The following REPS2 variants were observed in gnomAD, a reference collection of about 807,000 sequenced individuals.
The protein encoded by REPS2 is ralBP1-associated Eps domain-containing protein 2.
Under a neutral mutation model 53.6 loss-of-function variants are expected in REPS2, and 23 were observed. The ratio of observed to expected loss-of-function variants is 0.43; its 90% CI spans 0.31 to 0.61. The LOEUF (loss-of-function observed/expected upper bound fraction) is 0.61, where lower values mean the gene tolerates loss of function less well. Ranked by LOEUF, REPS2 falls within the 20% of genes least tolerant of loss-of-function variation. The probability of loss-of-function intolerance (pLI) is 0.11; values close to 1 mark genes in which losing one functional copy is unlikely to be tolerated. For missense variants in REPS2, 446 were observed against 534.9 expected, an observed-to-expected ratio of 0.83 and a Z score of 1.64; for synonymous variants, 238 against 218.6, an observed-to-expected ratio of 1.09 and a Z score of -0.78.
intron 4 of REPS2, among the ~76,000 whole-genome samples, chrX:17,028,077 A>G (rs1453853844): frequency 9.0e-6 from 1 of 111,290 alleles, no homozygotes; most frequent in Non-Finnish European, 1.9e-5. Context: ...TCCAAGCCCT[A>G]CTGATGAGAT....
chrX:17,052,436 C>G lies in REPS2; in HGVS notation c.962C>G (p.Ser321Cys), dbSNP rs2062015083. ...TKSKLSIPEL[S>C]YIWELSDADC... ...TCAAAGCTTTCCATTCCAGAACTCT[C>G]CTATATATGGTAAGTACAATTAATG... The change falls in exon 7 of 18, where the codon TCC becomes TGC. Residue 321 changes from serine to cysteine, a missense_variant. By Grantham distance (112) the Ser-to-Cys change is moderately radical. Transcript: ENST00000357277. 7 of 1,195,594 alleles carry G rather than the reference C, an allele frequency of 5.9e-6. No homozygotes were observed. The highest frequency in any genetic ancestry group is 7.9e-6 in the Non-Finnish European group (7 of 884,861).
chrX:17,067,472 T>C (rs185684146), intron 9 of REPS2, among the ~76,000 whole-genome samples: 1 of 112,171 alleles, frequency 8.9e-6, no homozygotes, highest in African/African-American at 3.2e-5. Flanking sequence ...ATACCATACA[T>C]TGTTATTAAC....
In REPS2 at chrX:17,151,290, A is replaced by G. The variant is rs2063566848; in HGVS notation, c.*3809A>G. On this transcript the variant is annotated 3_prime_UTR_variant, in exon 18 of 18. Transcript: ENST00000357277. Reference sequence around the variant, plus strand: ...GTGAATTTGCCTTTGATTTCCTACCACTGTCTGAGCTATCATAAAGCATTC... The same window carrying G: ...GTGAATTTGCCTTTGATTTCCTACCGCTGTCTGAGCTATCATAAAGCATTC... 1 of 112,663 alleles carries G rather than the reference A, an allele frequency of 8.9e-6. No individual in the cohort carries two copies. The highest frequency in any genetic ancestry group is 3.2e-5 in the African/African-American group (1 of 31,029). The allele number at this position is 112,663 out of a possible 1,213,427, so 9.3% of individuals were successfully genotyped here.
intron 1 of REPS2, among the ~76,000 whole-genome samples, chrX:16,962,981 C>A (rs1412031202): frequency 9.0e-6 from 1 of 110,730 alleles, no homozygotes; most frequent in African/African-American, 3.3e-5. Flanking sequence ...TGCCTGTGAT[C>A]CCAGCTACTT....
chrX:17,104,580 A>G (rs1328116233), intron 14 of REPS2, among the ~76,000 whole-genome samples: 4 of 111,495 alleles, frequency 3.6e-5, no homozygotes, highest in African/African-American at 1.3e-4. Flanking sequence ...CCATACGGGG[A>G]CATCTCAGGA....
chrX:17,059,376 A>G (rs1012307390), intron 8 of REPS2, among the ~76,000 whole-genome samples: 1 of 109,520 alleles, frequency 9.1e-6, no homozygotes, highest in Non-Finnish European at 1.9e-5. Flanking sequence ...CAGTCTTTAA[A>G]AAATCTAATC....
At chrX:16,969,014 C>T (rs1411838450) in intron 1 of REPS2, among the ~76,000 whole-genome samples, 78 of 107,480 alleles carry the variant, frequency 7.3e-4, no homozygotes, top group African/African-American at 2.5e-3. Flanking sequence ...TCAGACGGGG[C>T]GGTTGCCAGG....
At chrX:17,088,925 T>C (rs911517775) in intron 13 of REPS2, among the ~76,000 whole-genome samples, 2 of 111,672 alleles carry the variant, frequency 1.8e-5, no homozygotes, top group African/African-American at 3.3e-5. Flanking sequence ...AGATCTTTGT[T>C]GCAGCAGATT....
chrX:17,178,636 A>G, the REPS2 span, among the ~76,000 whole-genome samples: 1 of 111,841 alleles, frequency 8.9e-6, no homozygotes, highest in East Asian at 2.8e-4. Flanking sequence ...GGGCTCTTGA[A>G]GTCTTTGGAT....
At chrX:17,015,074 A>G (rs776666566) in intron 2 of REPS2, among the ~76,000 whole-genome samples, 1 of 112,986 alleles carries the variant, frequency 8.9e-6, no homozygotes, top group Non-Finnish European at 1.9e-5. Flanking sequence ...AGGAAAAGGT[A>G]TACCAATAAC....
intron 9 of REPS2, among the ~76,000 whole-genome samples, chrX:17,063,947 C>T (rs1371797870): frequency 9.0e-6 from 1 of 111,112 alleles, no homozygotes; most frequent in Non-Finnish European, 1.9e-5. Context: ...CACACACACA[C>T]ACACAGTCTC....
intron 14 of REPS2, among the ~76,000 whole-genome samples, chrX:17,131,937 G>A (rs1372472371): frequency 3.8e-4 from 41 of 107,465 alleles, no homozygotes; most frequent in Non-Finnish European, 9.6e-5. Flanking sequence ...CTGTGTCCAG[G>A]TTTATTAAAG....
At chrX:17,101,378 C>T (rs1236229158) in intron 13 of REPS2, among the ~76,000 whole-genome samples, 1 of 111,159 alleles carries the variant, frequency 9.0e-6, no homozygotes, top group Non-Finnish European at 1.9e-5. Context: ...CCAACTCTTA[C>T]AATGAGAGAT....
intron 5 of REPS2, among the ~76,000 whole-genome samples, chrX:17,037,022 G>A (rs2061774453): frequency 1.8e-5 from 2 of 110,859 alleles, no homozygotes; most frequent in Non-Finnish European, 3.8e-5. Flanking sequence ...TCCTCCAGGT[G>A]TCCTACTTCA....
chrX:17,050,755 G>T (rs1282671730), intron 6 of REPS2, among the ~76,000 whole-genome samples: 3 of 110,383 alleles, frequency 2.7e-5, no homozygotes, highest in Non-Finnish European at 5.7e-5. Context: ...ATATTTATGG[G>T]GTATGTGACA....
chrX:17,063,189 C>T (rs771340953), intron 9 of REPS2, among the ~76,000 whole-genome samples: 6 of 111,798 alleles, frequency 5.4e-5, no homozygotes, highest in Non-Finnish European at 1.1e-4. Flanking sequence ...TCATCATCAT[C>T]ACCATTATGA....
At chrX:16,975,543 A>G (rs1321282677) in intron 1 of REPS2, among the ~76,000 whole-genome samples, 2 of 110,557 alleles carry the variant, frequency 1.8e-5, no homozygotes, top group East Asian at 5.7e-4. Context: ...GAGATTATGC[A>G]TTTTTGTCTG....
intron 1 of REPS2, among the ~76,000 whole-genome samples, chrX:16,969,092 G>A (rs1339484282): frequency 2.7e-5 from 3 of 109,845 alleles, no homozygotes; most frequent in Non-Finnish European, 5.7e-5. Context: ...CGGATGGGGC[G>A]GCAGGGCAGA....
At chrX:17,089,909 G>T (rs2062592250) in intron 13 of REPS2, among the ~76,000 whole-genome samples, 1 of 112,350 alleles carries the variant, frequency 8.9e-6, no homozygotes, top group Non-Finnish European at 1.9e-5. Context: ...GGGTGGAATT[G>T]CTGGGTATGT....
Sources: gnomAD v4.1 joint callset for allele counts (sites outside exome capture counted in the v4.1 genomes callset) on GRCh38, gnomAD v4.1.1 for gene constraint, MANE v1.5 for transcripts, NCBI Gene and HGNC (gene_info 2026-07-23, HGNC 2026-07-21) for gene names.